The following CPNE2 variants were observed in gnomAD, a reference collection of about 807,000 sequenced individuals.
The protein encoded by CPNE2 is copine-2.
Under a neutral mutation model 69.7 loss-of-function variants are expected in CPNE2, and 42 were observed. That is an observed-to-expected ratio of 0.60 (90% CI 0.47 to 0.78). The LOEUF is 0.78. Among genes scored for constraint, CPNE2 ranks in the 30% least tolerant of loss-of-function variants. The pLI is 0.00. For missense variants in CPNE2, 587 were observed against 732.0 expected (o/e 0.80, Z 2.29); for synonymous variants, 294 against 289.8 (o/e 1.01, Z -0.15).
rs201157950 is a variant in CPNE2, at chr16:57,145,297, C to T, written c.1303-788C>T. Reference sequence around the variant, plus strand: ...GGAAGCTTAGCAAATGTTAGAGAGACGTGAAAGACACAGTAGTACCAAACC... The same window carrying T: ...GGAAGCTTAGCAAATGTTAGAGAGATGTGAAAGACACAGTAGTACCAAACC... On this transcript the variant is annotated intron_variant, in intron 14 of 15. Transcript: ENST00000290776. Among the ~76,000 whole-genome samples the T allele has an allele frequency of 7.2e-5, 11 of 152,270 alleles. No individual in the cohort carries two copies. The East Asian group carries it at 1.4e-3, about 19-fold the overall frequency.
intron 1 of CPNE2, among the ~76,000 whole-genome samples, chr16:57,096,194 T>C (rs1164466990): frequency 6.6e-6 from 1 of 152,220 alleles, no homozygotes; most frequent in Admixed American, 6.5e-5. Flanking sequence ...TGGCTTACCA[T>C]ACTGAGTGCT....
chr16:57,129,116 G>A (rs894118196), intron 12 of CPNE2: 6 of 153,028 alleles, frequency 3.9e-5, no homozygotes, highest in South Asian at 2.1e-4. Flanking sequence ...CAGACTGTGC[G>A]AAGCCTGCAG....
At chr16:57,124,880 C>A in intron 10 of CPNE2, 1 of 232,948 alleles carries the variant, frequency 4.3e-6, no homozygotes, top group Non-Finnish European at 8.8e-6. Context: ...CCCTCCTGTT[C>A]CTCCTGCACG....
rs1298961136 is a variant in CPNE2, at chr16:57,147,570, C to T, written c.1559C>T (p.Ala520Val). ...CTGCAGGCAGCAAAAGAGACCTTGG[C>T]CAAAGCTGTGCTGGCGGAGCTGCCC... ...EFRNAAKETL[A>V]KAVLAELPQQ... The change falls in exon 16 of 16, where the codon GCC becomes GTC. Residue 520 changes from alanine to valine, a missense_variant. Around this residue, in one of 5 missense-constraint regions of CPNE2, gnomAD observed 185 missense variants for 252.3 expected, o/e 0.73. Coordinates refer to ENST00000290776, the MANE Select transcript of CPNE2 (RefSeq NM_152727.6). 3 of 1,605,824 alleles carry T rather than the reference C, an allele frequency of 1.9e-6. No individual in the cohort carries two copies. The highest frequency in any genetic ancestry group is 1.7e-6 in the Non-Finnish European group (2 of 1,174,272).
chr16:57,138,408 G>T (rs1283852312), intron 14 of CPNE2, among the ~76,000 whole-genome samples: 1 of 152,078 alleles, frequency 6.6e-6, no homozygotes, highest in East Asian at 1.9e-4. Flanking sequence ...CCACTGGAGG[G>T]TCAGATCCAG....
intron 11 of CPNE2, among the ~76,000 whole-genome samples, 175 bp from the exon 12 acceptor site, chr16:57,127,674 C>T (rs1273375099): frequency 6.6e-6 from 1 of 152,018 alleles, no homozygotes; most frequent in East Asian, 1.9e-4. Context: ...CACCAGGTCC[C>T]CAGAGGTGGG....
rs180920225 is a variant in CPNE2 at position 57,147,252 on chromosome 16, G to A, written c.1540-299G>A. On this transcript the variant is annotated intron_variant, in intron 15 of 15. Coordinates refer to ENST00000290776, the MANE Select transcript of CPNE2 (RefSeq NM_152727.6). ...AGAAGGTGCTCAGGAGATGTTTGCC[G>A]GACACATAGGTGCTTCCCGCAGACG... 22 of 298,698 alleles carry A rather than the reference G, an allele frequency of 7.4e-5. 1 individual carries two copies. The South Asian group carries it at 7.9e-4, about 11-fold the overall frequency. 18.5% of individuals were successfully genotyped at this position (298,698 alleles called of 1,614,324 possible).
chr16:57,102,294 C>T (rs1227182526), intron 1 of CPNE2, among the ~76,000 whole-genome samples: 6 of 152,132 alleles, frequency 3.9e-5, no homozygotes, highest in Admixed American at 3.3e-4. Context: ...GTAGGTGACC[C>T]ATCTGGAAAC....
At chr16:57,145,044 C>T (rs953092019) in intron 14 of CPNE2, 1 of 152,154 alleles carries the variant, frequency 6.6e-6, no homozygotes, top group Non-Finnish European at 1.5e-5. Context: ...CCCGGCCCCA[C>T]TTCACAGTTT....
Position 57,098,832 on chromosome 16 carries a change from G to A in CPNE2, c.-36+6042G>A, listed in dbSNP as rs551030617. Reference sequence around the variant, plus strand: ...TCCATCTTTAAGCTCCAGTGAGGGCGACGCTTCTAAGCCAATGGTTACAGT... The same window carrying A: ...TCCATCTTTAAGCTCCAGTGAGGGCAACGCTTCTAAGCCAATGGTTACAGT... On this transcript the variant is annotated intron_variant, in intron 1 of 15. Coordinates refer to ENST00000290776, the MANE Select transcript of CPNE2 (RefSeq NM_152727.6). 7.2e-5 allele frequency among the ~76,000 whole-genome samples: 11 copies of A among 152,302 alleles called. No individual in the cohort carries two copies. The South Asian group carries it at 2.1e-3, about 29-fold the overall frequency.
Position 57,145,921 on chromosome 16 carries a change from G to T in CPNE2, c.1303-164G>T, listed in dbSNP as rs2069953808. 17 of 635,698 alleles carry T rather than the reference G, an allele frequency of 2.7e-5. No homozygotes were observed. In the East Asian group the frequency reaches 4.7e-4, roughly 17 times the overall value. 39.4% of individuals were successfully genotyped at this position (635,698 alleles called of 1,614,324 possible). A position where few individuals can be genotyped will look rare whatever the true frequency, so the allele number is the denominator to read the frequency against. ...AGCATGAGAGGCCTGCAGGGGTGGG[G>T]TGCTGAGAGCAGGACGCATAGTGAG... On this transcript the variant is annotated intron_variant, in intron 14 of 15. Transcript: ENST00000290776.
At chr16:57,120,858 C>G (rs1179287363) in intron 7 of CPNE2, among the ~76,000 whole-genome samples, 1 of 152,110 alleles carries the variant, frequency 6.6e-6, no homozygotes, top group Non-Finnish European at 1.5e-5. Context: ...GTGGAGTTGC[C>G]TGCACTAGAG....
chr16:57,122,941 G>A (rs1322836040), intron 9 of CPNE2, among the ~76,000 whole-genome samples: 11 of 149,712 alleles, frequency 7.3e-5, no homozygotes, highest in African/African-American at 2.7e-4. Flanking sequence ...CATTTATTTA[G>A]AAAGAGATTA....
At chr16:57,128,556 G>A (rs2069816652) in intron 12 of CPNE2, among the ~76,000 whole-genome samples, 1 of 152,154 alleles carries the variant, frequency 6.6e-6, no homozygotes, top group Non-Finnish European at 1.5e-5. Context: ...GTATAAGTAT[G>A]TCCTGAATAT....
chr16:57,144,030 A>G (rs1484068610), intron 14 of CPNE2: 1 of 152,278 alleles, frequency 6.6e-6, no homozygotes. Context: ...GTTGCCCTGG[A>G]CTGTTTCTGA....
chr16:57,133,104 C>A (rs536606002), intron 12 of CPNE2, among the ~76,000 whole-genome samples: 31 of 152,246 alleles, frequency 2.0e-4, no homozygotes, highest in African/African-American at 7.0e-4. Flanking sequence ...CTCTCTCAGC[C>A]CCTCCATACA....
intron 4 of CPNE2, among the ~76,000 whole-genome samples, chr16:57,117,248 C>A (rs1378235568): frequency 1.3e-5 from 2 of 152,188 alleles, no homozygotes; most frequent in African/African-American, 2.4e-5. Flanking sequence ...GCCCACCACC[C>A]CATGGGCCCT....
chr16:57,118,605 C>T (rs1314865448), intron 5 of CPNE2, among the ~76,000 whole-genome samples: 4 of 151,374 alleles, frequency 2.6e-5, no homozygotes, highest in Non-Finnish European at 4.4e-5. Flanking sequence ...TCACTTGAGG[C>T]CAGGATTTTG....
At chr16:57,098,881 C>A (rs1457002518) in intron 1 of CPNE2, among the ~76,000 whole-genome samples, 1 of 152,194 alleles carries the variant, frequency 6.6e-6, no homozygotes, top group Non-Finnish European at 1.5e-5. Context: ...AAGTGATTCC[C>A]TCTCAAGGAC....
Sources: allele counts gnomAD v4.1 joint callset (sites outside exome capture counted in the v4.1 genomes callset), GRCh38; gene constraint gnomAD v4.1.1; regional missense constraint gnomAD v4.1.1; transcripts MANE v1.5; gene names NCBI Gene and HGNC (gene_info 2026-07-23, HGNC 2026-07-21).